Variants in PLCB2 observed in about 807,000 individuals in gnomAD.
PLCB2 encodes the protein 1-phosphatidylinositol 4,5-bisphosphate phosphodiesterase beta-2.
A neutral mutation model predicts 141.7 loss-of-function variants in PLCB2; 115 were observed. The observed-to-expected ratio is 0.81, with a 90% CI of 0.70 to 0.95. The LOEUF (loss-of-function observed/expected upper bound fraction) is 0.95, where lower values mean the gene tolerates loss of function less well. PLCB2 is among the 40% of genes least tolerant of loss of function. The probability of loss-of-function intolerance (pLI) is 0.00; values close to 1 mark genes in which losing one functional copy is unlikely to be tolerated. For missense variants in PLCB2, 1,403 were observed against 1,541.1 expected, an observed-to-expected ratio of 0.91 and a Z score of 1.50; for synonymous variants, 603 against 595.6, an observed-to-expected ratio of 1.01 and a Z score of -0.18.
At chr15:40,303,398 T>C (rs781741415) in intron 2 of PLCB2, 42 bp from the exon 3 acceptor site, 10 of 1,443,560 alleles carry the variant, frequency 6.9e-6, no homozygotes, top group Middle Eastern at 3.5e-4. Context: ...AAAGAAGGGA[T>C]GTGGGACAAA....
chr15:40,307,096 G>A (rs762649627), intron 1 of PLCB2, among the ~76,000 whole-genome samples: 3 of 152,174 alleles, frequency 2.0e-5, no homozygotes, highest in Non-Finnish European at 4.4e-5. Flanking sequence ...TAGGTCCAGG[G>A]GCCTTTTGTG....
rs2039933080 is a variant in PLCB2, at chr15:40,291,606, C to T, written c.2647G>A (p.Glu883Lys). ...GATCACCGGGCTCAGCAGGCCTTAC[C>T]CGCAGCTTCTTTCATAGCCTCTTCC... The part of the protein sequence containing the change: ...AREEAMKEAA[E>K]PRTASLEELR... Residue 883 changes from glutamate to lysine, a missense_variant and splice_region_variant, in exon 25 of 32, where the codon GAG becomes AAG. Glu to Lys is a moderately conservative substitution (Grantham distance 56, BLOSUM62 1). Coordinates refer to ENST00000260402, the MANE Select transcript of PLCB2 (RefSeq NM_004573.3). 1 of 1,613,458 alleles carries T rather than the reference C, an allele frequency of 6.2e-7. No homozygotes were observed. Among genetic ancestry groups the T allele is most frequent in the Non-Finnish European group, 8.5e-7 (1 of 1,179,882 alleles).
intron 1 of PLCB2, 90 bp downstream of exon 1, chr15:40,307,497 CAT>C: frequency 1.3e-6 from 1 of 763,214 alleles, no homozygotes; most frequent in Non-Finnish European, 2.1e-6. Context: ...TCCTAGGAGA[CAT>C]AAACCAATCC....
At position 40,298,584 on chromosome 15, in the gene PLCB2, C is replaced by T. The variant is rs373509189; in HGVS notation, c.975G>A (p.Ser325=). 27 of 1,614,210 alleles carry T rather than the reference C, an allele frequency of 1.7e-5. No homozygotes were observed. Among genetic ancestry groups the T allele is most frequent in the Middle Eastern group, 1.6e-4 (1 of 6,062 alleles). Residue 325 remains serine, a synonymous_variant, in exon 10 of 32, where the codon TCG becomes TCA. Transcript: ENST00000260402. The part of the protein sequence containing the change: ...TQPLNHYFIN[S]SHNTYLTAGQ... ...CACCTGTCAGGTAGGTGTTGTGGGA[C>T]GAGTTGATGAAGTAATGATTGAGTG...
chr15:40,288,899 G>A lies in PLCB2; in HGVS notation c.3374C>T (p.Ala1125Val), dbSNP rs759698255. ...MEKQFQKEAL[A>V]EYEARMKGLE... ...ACCCTTCATCCTGGCCTCGTACTCT[G>A]CCAGCGCCTCCTTCTGGAACTGTGG... The change falls in exon 32 of 32, where the codon GCA becomes GTA. Residue 1125 changes from alanine to valine, a missense_variant. By Grantham distance (64) the Ala-to-Val change is moderately conservative (BLOSUM62 0). This residue lies in a region of PLCB2 where 132 missense variants were observed against 132.4 expected (regional missense o/e 1.00). Transcript: ENST00000260402. The A allele has an allele frequency of 1.9e-6, 3 of 1,613,282 alleles. No homozygotes were observed. Among genetic ancestry groups the A allele is most frequent in the Non-Finnish European group, 2.5e-6 (3 of 1,179,968 alleles).
Position 40,301,974 on chromosome 15 carries a change from G to A in PLCB2, c.565C>T (p.His189Tyr). 2 of 1,613,986 alleles carry A rather than the reference G, an allele frequency of 1.2e-6. No individual in the cohort carries two copies. The highest frequency in any genetic ancestry group is 1.7e-6 in the Non-Finnish European group (2 of 1,179,864). Reference sequence around the variant, plus strand: ...CCACTCACTTTGCCTTTGGGGAGGTGGCAGGCACTGAGAGCAGCTTCCACC... The same window carrying A: ...CCACTCACTTTGCCTTTGGGGAGGTAGCAGGCACTGAGAGCAGCTTCCACC... ...KRVEAALSACHLPKGKNDAIN... is the reference protein window; with the variant it reads ...KRVEAALSACYLPKGKNDAIN... The change falls in exon 7 of 32, where the codon CAC becomes TAC. Residue 189 changes from histidine (H) to tyrosine (Y), a missense_variant. By Grantham distance (83) the His-to-Tyr change is moderately conservative (BLOSUM62 2). Transcript: ENST00000260402.
In PLCB2 at chr15:40,307,840, T is replaced by C. The variant is rs546034700; in HGVS notation, c.-168A>G. Reference sequence around the variant, plus strand: ...AGCCCCTGGGGTGGCCCTGGCTGAGTGCAGGACTGAGCTGTAGCCAGAGGC... The same window carrying C: ...AGCCCCTGGGGTGGCCCTGGCTGAGCGCAGGACTGAGCTGTAGCCAGAGGC... On this transcript the variant is annotated 5_prime_UTR_variant, in exon 1 of 32. Transcript: ENST00000260402. The C allele has an allele frequency of 4.1e-6, 2 of 488,928 alleles. No homozygotes were observed. Among genetic ancestry groups the C allele is most frequent in the Non-Finnish European group, 7.2e-6 (2 of 277,312 alleles). The allele number at this position is 488,928 out of a possible 1,614,324, so 30.3% of individuals were successfully genotyped here.
rs1354129985 is a variant in PLCB2, at chr15:40,291,590, G to C, written c.2647+16C>G. On this transcript the variant is annotated intron_variant, in intron 25 of 31. Transcript: ENST00000260402. ...CCAGGCTCATCCCCGAGATCACCGG[G>C]CTCAGCAGGCCTTACCCGCAGCTTC... The C allele has an allele frequency of 2.5e-6, 4 of 1,612,988 alleles. No individual in the cohort carries two copies. Among genetic ancestry groups the C allele is most frequent in the Non-Finnish European group, 3.4e-6 (4 of 1,179,844 alleles).
Position 40,294,997 on chromosome 15 carries a change from G to A in PLCB2, c.1845C>T (p.Tyr615=), listed in dbSNP as rs1185015129. Residue 615 remains tyrosine, a synonymous_variant, in exon 18 of 32, where the codon TAC becomes TAT. Coordinates refer to ENST00000260402, the MANE Select transcript of PLCB2 (RefSeq NM_004573.3). ...CAGCATTCCAGAACATCTGGGGCAT[G>A]TAGTTGGAGGAGTCCATGCGGGTTC... ...PKGTRMDSSN[Y]MPQMFWNAGC... is the part of the protein sequence containing the mutation. 1.9e-6 allele frequency: 3 copies of A among 1,614,026 alleles called. No homozygotes were observed. The highest frequency in any genetic ancestry group is 2.5e-6 in the Non-Finnish European group (3 of 1,180,006).
At position 40,288,574 on chromosome 15, in the gene PLCB2, A is replaced by G. The variant is rs539630935; in HGVS notation, c.*141T>C. On this transcript the variant is annotated 3_prime_UTR_variant, in exon 32 of 32. Coordinates refer to ENST00000260402, the MANE Select transcript of PLCB2 (RefSeq NM_004573.3). Reference sequence around the variant, plus strand: ...GTCTCAGACTCTGGCCTGGCCGTTGAGGAGGGGGCTGCAGCGTCCAAGGCA... The same window carrying G: ...GTCTCAGACTCTGGCCTGGCCGTTGGGGAGGGGGCTGCAGCGTCCAAGGCA... The G allele has an allele frequency of 2.9e-6, 4 of 1,383,136 alleles. No homozygotes were observed. In the African/African-American group the frequency reaches 5.8e-5, roughly 20 times the overall value. The allele number at this position is 1,383,136 out of a possible 1,614,324, so 85.7% of individuals were successfully genotyped here.
At chr15:40,298,413 T>C in intron 10 of PLCB2, 33 bp from the exon 11 acceptor site, 1 of 1,573,944 alleles carries the variant, frequency 6.4e-7, no homozygotes, top group South Asian at 1.2e-5. Flanking sequence ...GGTGAGGGCA[T>C]CACCCAAAGG....
intron 2 of PLCB2, among the ~76,000 whole-genome samples, chr15:40,303,610 G>A (rs546840403): frequency 3.4e-4 from 52 of 152,002 alleles, no homozygotes; most frequent in Non-Finnish European, 7.2e-4. Flanking sequence ...GCTGGAGCCT[G>A]CAGTGTCTCC....
Position 40,302,002 on chromosome 15 carries a change from C to T in PLCB2, c.537G>A (p.Lys179=), listed in dbSNP as rs200517392. ...AGGCACTGAGAGCAGCTTCCACCCG[C>T]TTGCGGTCAGCAGGAAACATCTGGA... ...NFFQMFPADR[K]RVEAALSACH... Residue 179 remains lysine, a synonymous_variant, in exon 7 of 32, where the codon AAG becomes AAA. Transcript: ENST00000260402. 5.6e-4 allele frequency: 898 copies of T among 1,614,170 alleles called. 1 individual carries two copies. Among genetic ancestry groups the T allele is most frequent in the Non-Finnish European group, 6.2e-4 (729 of 1,180,026 alleles).
chr15:40,286,101 G>GA (rs2039605367), downstream of PLCB2: 23 of 938,558 alleles, frequency 2.5e-5, no homozygotes, highest in Non-Finnish European at 2.9e-5. Flanking sequence ...CAGCAAAGCT[G>GA]AAAAAAAGCT....
Position 40,296,746 on chromosome 15 carries a change from C to A in PLCB2, c.1486G>T (p.Val496Leu). The A allele has an allele frequency of 6.2e-7, 1 of 1,612,982 alleles. No homozygotes were observed. Among genetic ancestry groups the A allele is most frequent in the Middle Eastern group, 1.7e-4 (1 of 6,050 alleles). The change falls in exon 14 of 32, where the codon GTG (valine) becomes TTG (leucine). Residue 496 changes from valine to leucine, a missense_variant and splice_region_variant. Physicochemically the swap from Val to Leu is conservative, Grantham distance 32 (BLOSUM62 1). Around this residue, in one of 4 missense-constraint regions of PLCB2, gnomAD observed 975 missense variants for 1,141.1 expected, o/e 0.85. Coordinates refer to ENST00000260402, the MANE Select transcript of PLCB2 (RefSeq NM_004573.3). The part of the protein sequence containing the change: ...PPSAPAGEGT[V>L]WAGEEGTELE... ...CCCACCATAGTCCTCCCCGACTCAC[C>A]TGTGCCCTCACCTGCAGGGGCACTG...
In PLCB2 at chr15:40,302,125, G is replaced by C. The variant is rs769249390; in HGVS notation, c.506+11C>G. 1.9e-6 allele frequency: 3 copies of C among 1,611,968 alleles called. No individual in the cohort carries two copies. The Admixed American group carries it at 5.0e-5, about 27-fold the overall frequency. Reference sequence around the variant, plus strand: ...GCCCCTGGAAGCCTGGGGAGGGGTTGGGGGGCTCACTTCTTCACCGGAATC... The same window carrying C: ...GCCCCTGGAAGCCTGGGGAGGGGTTCGGGGGCTCACTTCTTCACCGGAATC... On this transcript the variant is annotated intron_variant, in intron 6 of 31. Coordinates refer to ENST00000260402, the MANE Select transcript of PLCB2 (RefSeq NM_004573.3).
At chr15:40,292,229 C>T in intron 22 of PLCB2, 71 bp from the exon 23 acceptor site, 2 of 1,517,208 alleles carry the variant, frequency 1.3e-6, no homozygotes, top group Non-Finnish European at 1.8e-6. Context: ...CCTGTCCTCA[C>T]CCACTCCAGG....
At chr15:40,293,068 G>A in intron 20 of PLCB2, 43 bp from the exon 21 acceptor site, 1 of 1,243,664 alleles carries the variant, frequency 8.0e-7, no homozygotes, top group Non-Finnish European at 1.1e-6. Context: ...GGGGAGAGAG[G>A]AGCCAAGCTG....
chr15:40,297,961 TGGA>T lies in PLCB2; in HGVS notation c.1156-5_1156-3del. On this transcript the variant is annotated splice_polypyrimidine_tract_variant and splice_region_variant and intron_variant, in intron 11 of 31. Transcript: ENST00000260402. This position sits in a 1 kb window ranked among gnomAD's most constrained non-coding sequence, Gnocchi z 4.2. ...TTCTGCAATAGCCTCAATTGCTTCC[TGGA>T]GGAGAAGGAGACTCCATGAACAGAA... The T allele has an allele frequency of 6.2e-7, 1 of 1,600,916 alleles. No individual in the cohort carries two copies.
Sources: gnomAD v4.1 joint callset for allele counts (sites outside exome capture counted in the v4.1 genomes callset) on GRCh38, gnomAD v4.1.1 for gene constraint, gnomAD v4.1.1 regional missense constraint, Gnocchi (gnomAD v3.1) non-coding constraint, MANE v1.5 for transcripts, NCBI Gene and HGNC (gene_info 2026-07-23, HGNC 2026-07-21) for gene names.